PLEKHM3: variants seen among roughly 807,000 people sequenced by gnomAD.
PLEKHM3 encodes pleckstrin homology domain containing M3.
PLEKHM3 carries 45 observed loss-of-function variants against 81.8 expected under a neutral mutation model. The observed-to-expected ratio is 0.55, with a 90% CI of 0.43 to 0.71. PLEKHM3 has a LOEUF of 0.71. Ranked by LOEUF, PLEKHM3 falls within the 30% of genes least tolerant of loss-of-function variation. The pLI, the probability that PLEKHM3 is intolerant of heterozygous loss-of-function variation, is 0.00. For synonymous variants in PLEKHM3, 352 were observed against 356.4 expected (o/e 0.99, Z 0.14); for missense variants, 788 against 924.3 (o/e 0.85, Z 1.91).
chr2:207,901,369 C>T (rs1486382483), intron 6 of PLEKHM3: 16 of 702,622 alleles, frequency 2.3e-5, no homozygotes, highest in Non-Finnish European at 3.4e-5. Flanking sequence ...TGCTAATCAC[C>T]TGCTTTAACC....
chr2:207,925,396 T>G (rs1689359311), intron 5 of PLEKHM3, among the ~76,000 whole-genome samples: 1 of 152,126 alleles, frequency 6.6e-6, no homozygotes, highest in African/African-American at 2.4e-5. Flanking sequence ...TTGCCTCTTC[T>G]CCCCTGTTCA....
intron 3 of PLEKHM3, among the ~76,000 whole-genome samples, chr2:207,955,984 A>C (rs1559255309): frequency 6.6e-6 from 1 of 151,794 alleles, no homozygotes; most frequent in Non-Finnish European, 1.5e-5. Context: ...GTGTCGACAC[A>C]GGGGCATTTG....
At chr2:207,979,572 C>T (rs970495148) in intron 2 of PLEKHM3, among the ~76,000 whole-genome samples, 1 of 151,764 alleles carries the variant, frequency 6.6e-6, no homozygotes, top group Non-Finnish European at 1.5e-5. Context: ...AAATGACATC[C>T]ATGTGAAGGA....
rs750235518 is a variant in PLEKHM3, at chr2:207,880,385, C to T, written c.1951-19123G>A. 6.9e-4 allele frequency among the ~76,000 whole-genome samples: 92 copies of T among 133,496 alleles called. 1 individual carries two copies. The highest frequency in any genetic ancestry group is 1.7e-3 in the African/African-American group (58 of 35,024). The allele number at this position is 133,496 out of a possible 152,430, so 87.6% of individuals were successfully genotyped here. ...TCGTGCCACTGCACTCTAGCCTGGGCGACAGAGTGAGACTCTGTCTAAAAG... is the reference window on the plus strand; with the variant it reads ...TCGTGCCACTGCACTCTAGCCTGGGTGACAGAGTGAGACTCTGTCTAAAAG... On this transcript the variant is annotated intron_variant, in intron 6 of 7. Coordinates refer to ENST00000427836, the MANE Select transcript of PLEKHM3 (RefSeq NM_001080475.3).
At chr2:207,936,521 A>C (rs1305035641) in intron 4 of PLEKHM3, among the ~76,000 whole-genome samples, 1 of 152,192 alleles carries the variant, frequency 6.6e-6, no homozygotes, top group Non-Finnish European at 1.5e-5. Flanking sequence ...GTCCATAAAG[A>C]AGAAAAGATA....
chr2:208,024,001 G>C (rs1260783364), intron 1 of PLEKHM3, among the ~76,000 whole-genome samples: 2 of 152,000 alleles, frequency 1.3e-5, no homozygotes, highest in Non-Finnish European at 2.9e-5. Context: ...AAATTAGCCA[G>C]GCGTGGTGGC....
chr2:207,983,131 C>T (rs1018531480), intron 2 of PLEKHM3, among the ~76,000 whole-genome samples: 1 of 149,774 alleles, frequency 6.7e-6, no homozygotes, highest in Admixed American at 6.6e-5. Context: ...GGCTTACTGC[C>T]AGCTCCGCCT....
At chr2:207,905,597 C>T (rs1429070698) in intron 6 of PLEKHM3, among the ~76,000 whole-genome samples, 1 of 152,186 alleles carries the variant, frequency 6.6e-6, no homozygotes, top group Non-Finnish European at 1.5e-5. Flanking sequence ...GTGCTGATAG[C>T]CAAGATGCAG....
intron 5 of PLEKHM3, among the ~76,000 whole-genome samples, chr2:207,915,371 C>T (rs528194605): frequency 6.1e-4 from 93 of 152,210 alleles, no homozygotes; most frequent in African/African-American, 2.1e-3. Context: ...CATTTTGTTC[C>T]ATGACATTAG....
At chr2:207,893,926 C>T (rs956395291) in intron 6 of PLEKHM3, among the ~76,000 whole-genome samples, 3 of 151,950 alleles carry the variant, frequency 2.0e-5, no homozygotes, top group East Asian at 1.9e-4. Flanking sequence ...GACCAGCCTG[C>T]GAAACACAGC....
intron 5 of PLEKHM3, among the ~76,000 whole-genome samples, chr2:207,920,283 C>T (rs1467715092): frequency 7.2e-5 from 11 of 152,166 alleles, no homozygotes; most frequent in Non-Finnish European, 1.5e-5. Flanking sequence ...CTGTTCTAAG[C>T]AACCAGGGAA....
At chr2:208,012,311 A>G (rs1336111131) in intron 1 of PLEKHM3, among the ~76,000 whole-genome samples, 1 of 152,188 alleles carries the variant, frequency 6.6e-6, no homozygotes, top group Non-Finnish European at 1.5e-5. Context: ...TTCTTAATAA[A>G]TACTTGTAGT....
chr2:207,956,085 A>C (rs916914722), intron 3 of PLEKHM3, among the ~76,000 whole-genome samples: 2 of 152,214 alleles, frequency 1.3e-5, no homozygotes, highest in East Asian at 3.8e-4. Flanking sequence ...CTTTGGAAAC[A>C]CTGGATATTC....
At chr2:208,012,134 C>T (rs930022294) in intron 1 of PLEKHM3, among the ~76,000 whole-genome samples, 2 of 152,020 alleles carry the variant, frequency 1.3e-5, no homozygotes, top group East Asian at 3.9e-4. Flanking sequence ...CTCTGCCTCC[C>T]GGGTTCACAC....
intron 7 of PLEKHM3, among the ~76,000 whole-genome samples, chr2:207,832,739 C>T (rs1032323058): frequency 4.6e-5 from 7 of 151,178 alleles, no homozygotes; most frequent in South Asian, 2.1e-4. Flanking sequence ...TGCAGAGAGC[C>T]GAGAAATTGC....
chr2:208,009,071 G>A (rs1367117560), intron 1 of PLEKHM3, among the ~76,000 whole-genome samples: 1 of 152,142 alleles, frequency 6.6e-6, no homozygotes, highest in Non-Finnish European at 1.5e-5. Context: ...CTATGGGGGG[G>A]ACACTGTTCT....
intron 7 of PLEKHM3, among the ~76,000 whole-genome samples, chr2:207,858,839 T>C (rs1027869221): frequency 1.3e-5 from 2 of 152,096 alleles, no homozygotes; most frequent in Non-Finnish European, 2.9e-5. Flanking sequence ...CTTTAAAGTA[T>C]ATACAATTCA....
chr2:208,013,583 T>C (rs982451228), intron 1 of PLEKHM3, among the ~76,000 whole-genome samples: 110 of 151,754 alleles, frequency 7.2e-4, no homozygotes, highest in African/African-American at 2.6e-3. Context: ...AATAACAGCC[T>C]CAAAGGTTCC....
At position 207,843,150 on chromosome 2, in the gene PLEKHM3, A is replaced by G. The variant is rs1475262243; in HGVS notation, c.2109-14654T>C. ...TTTTTTGGAGAGATGGGGTCTCGCC[A>G]TGTTGCCCAGGCTGGTCTCAAACTC... On this transcript the variant is annotated intron_variant, in intron 7 of 7. Transcript: ENST00000427836. This position sits in a 1 kb window ranked among gnomAD's most constrained non-coding sequence, Gnocchi z 4.4. Among the ~76,000 whole-genome samples the G allele has an allele frequency of 2.0e-5, 3 of 152,086 alleles. No individual in the cohort carries two copies. The highest frequency in any genetic ancestry group is 4.4e-5 in the Non-Finnish European group (3 of 68,008).
Sources: allele counts gnomAD v4.1 joint callset (sites outside exome capture counted in the v4.1 genomes callset), GRCh38; gene constraint gnomAD v4.1.1; non-coding constraint Gnocchi (gnomAD v3.1); transcripts MANE v1.5; gene names NCBI Gene and HGNC (gene_info 2026-07-23, HGNC 2026-07-21).